The following DYRK1A variants were observed in gnomAD, a reference collection of about 807,000 sequenced individuals.
The protein encoded by DYRK1A is dual specificity tyrosine phosphorylation regulated kinase 1A.
A neutral mutation model predicts 79.7 loss-of-function variants in DYRK1A; 9 were observed. The observed-to-expected ratio is 0.11, with a 90% CI of 0.07 to 0.20. DYRK1A has a LOEUF of 0.20. DYRK1A is among the 10% of genes least tolerant of loss of function. DYRK1A has a pLI of 1.00. For synonymous variants in DYRK1A, 349 were observed against 329.7 expected, an observed-to-expected ratio of 1.06 and a Z score of -0.63; for missense variants, 622 against 956.0, an observed-to-expected ratio of 0.65 and a Z score of 4.61.
rs2053956983 is a variant in DYRK1A, at chr21:37,524,693, G to T, written c.*12162G>T. On this transcript the variant is annotated 3_prime_UTR_variant, in exon 12 of 12. Coordinates refer to ENST00000647188, the MANE Select transcript of DYRK1A (RefSeq NM_001347721.2). The stretch of plus-strand genomic sequence containing the variant: ...GGGGTCACCATATGTTATGCACACT[G>T]CTCCGCTATTGCTCTTTATTTGAGG... 1 of 152,206 alleles carries T rather than the reference G, an allele frequency of 6.6e-6. No homozygotes were observed. Among genetic ancestry groups the T allele is most frequent in the South Asian group, 2.1e-4 (1 of 4,834 alleles). The allele number at this position is 152,206 out of a possible 1,614,324, so 9.4% of individuals were successfully genotyped here.
At chr21:37,498,466 G>A (rs1296390292) in intron 9 of DYRK1A, among the ~76,000 whole-genome samples, 1 of 151,936 alleles carries the variant, frequency 6.6e-6, no homozygotes, top group Non-Finnish European at 1.5e-5. Context: ...TTTAGTTTTG[G>A]GTTTTCTTCA....
intron 2 of DYRK1A, chr21:37,425,812 A>G (rs1307193409): frequency 1.3e-5 from 2 of 152,240 alleles, no homozygotes; most frequent in Non-Finnish European, 1.5e-5. Flanking sequence ...GTTGATAGCA[A>G]GACCTGTGTG....
At chr21:37,469,650 C>T (rs1245164638) in intron 2 of DYRK1A, among the ~76,000 whole-genome samples, 1 of 152,114 alleles carries the variant, frequency 6.6e-6, no homozygotes, top group Non-Finnish European at 1.5e-5. Flanking sequence ...ACATGGCCTG[C>T]AAAGTCAGGC....
intron 2 of DYRK1A, among the ~76,000 whole-genome samples, chr21:37,453,145 ATTAAAC>A (rs2051514445): frequency 6.6e-6 from 1 of 152,212 alleles, no homozygotes. Context: ...CAACAGTAAA[ATTAAAC>A]TTAAATATAT....
In DYRK1A at chr21:37,505,280, C is replaced by A; in HGVS notation, c.1213-3C>A. ...AGAAAGCCTTTCATCTTCTCTCTTA[C>A]AGGAGTACAAACCACCAGGAACCCG... On this transcript the variant is annotated splice_polypyrimidine_tract_variant and splice_region_variant and intron_variant, in intron 9 of 11. Coordinates refer to ENST00000647188, the MANE Select transcript of DYRK1A (RefSeq NM_001347721.2). The A allele has an allele frequency of 6.2e-7, 1 of 1,604,418 alleles. No individual in the cohort carries two copies.
At chr21:37,376,734 G>T (rs115019533) in intron 1 of DYRK1A, among the ~76,000 whole-genome samples, 1 of 151,918 alleles carries the variant, frequency 6.6e-6, no homozygotes, top group African/African-American at 2.4e-5. Context: ...GTTAGGGCCC[G>T]TATTTGAGCA....
intron 2 of DYRK1A, among the ~76,000 whole-genome samples, chr21:37,452,591 A>T (rs2051489908): frequency 6.6e-6 from 1 of 152,096 alleles, no homozygotes; most frequent in Non-Finnish European, 1.5e-5. Flanking sequence ...AGCCACTGCC[A>T]ATCTATTTGA....
rs372296646 is a variant in DYRK1A at position 37,377,427 on chromosome 21, T to A, written c.-77+9799T>A. Among the ~76,000 whole-genome samples the A allele has an allele frequency of 2.6e-5, 4 of 152,176 alleles. No individual in the cohort carries two copies. In the East Asian group the frequency reaches 7.7e-4, roughly 29 times the overall value. ...AGCCACCGTGCCCCGCATTTTTTTT[T>A]ACTTGACCTATGTTAGAAATATTTC... On this transcript the variant is annotated intron_variant, in intron 1 of 11. Transcript: ENST00000647188.
At chr21:37,423,331 C>G (rs1180413448) in intron 2 of DYRK1A, among the ~76,000 whole-genome samples, 7 of 152,128 alleles carry the variant, frequency 4.6e-5, no homozygotes, top group Non-Finnish European at 8.8e-5. Context: ...CCCATTCAGT[C>G]CTCTTAGTAA....
chr21:37,445,999 C>T (rs1168237217), intron 2 of DYRK1A, among the ~76,000 whole-genome samples: 1 of 152,132 alleles, frequency 6.6e-6, no homozygotes, highest in Non-Finnish European at 1.5e-5. Context: ...AAACAACATT[C>T]TTACTGTAAT....
chr21:37,468,205 G>C (rs548421293), intron 2 of DYRK1A, among the ~76,000 whole-genome samples: 1 of 152,008 alleles, frequency 6.6e-6, no homozygotes, highest in African/African-American at 2.4e-5. Flanking sequence ...TTGAAATCTT[G>C]GGCTCAGGCA....
intron 6 of DYRK1A, chr21:37,488,993 C>T: frequency 2.8e-6 from 1 of 361,560 alleles, no homozygotes. Flanking sequence ...CTGTAGACTC[C>T]TATATAGCCA....
chr21:37,519,729 G>T lies in DYRK1A; in HGVS notation c.*7198G>T, dbSNP rs1250741448. 4.5e-5 allele frequency: 5 copies of T among 110,344 alleles called. No homozygotes were observed. Among genetic ancestry groups the T allele is most frequent in the South Asian group, 3.2e-4 (1 of 3,148 alleles). The allele number at this position is 110,344 out of a possible 1,614,324, so 6.8% of individuals were successfully genotyped here. The stretch of plus-strand genomic sequence containing the variant: ...CTATTTAAGAGTTTTGAGGTTTGTT[G>T]TGGGAAGTTTTTTTTTTTTTTTTTT... On this transcript the variant is annotated 3_prime_UTR_variant, in exon 12 of 12. Coordinates refer to ENST00000647188, the MANE Select transcript of DYRK1A (RefSeq NM_001347721.2).
intron 2 of DYRK1A, among the ~76,000 whole-genome samples, chr21:37,471,948 A>G (rs1371259519): frequency 6.6e-6 from 1 of 152,208 alleles, no homozygotes; most frequent in Non-Finnish European, 1.5e-5. Context: ...ATTACCTTTT[A>G]TTAGATACCA....
At chr21:37,391,116 A>G (rs1051376468) in intron 1 of DYRK1A, among the ~76,000 whole-genome samples, 3 of 152,350 alleles carry the variant, frequency 2.0e-5, no homozygotes, top group African/African-American at 4.8e-5. Flanking sequence ...CAAATTTCAG[A>G]ACTCTTCCTA....
In DYRK1A at chr21:37,514,477, A is replaced by G. The variant is rs1184771733; in HGVS notation, c.*1946A>G. On this transcript the variant is annotated 3_prime_UTR_variant, in exon 12 of 12. Coordinates refer to ENST00000647188, the MANE Select transcript of DYRK1A (RefSeq NM_001347721.2). ...CCTGTTTAAGATGACTCAGCAGAAC[A>G]CCGCGTTTCATTCTATTGGTCAATT... The G allele has an allele frequency of 6.6e-6, 1 of 152,610 alleles. No individual in the cohort carries two copies. Among genetic ancestry groups the G allele is most frequent in the Non-Finnish European group, 1.5e-5 (1 of 68,028 alleles). 9.5% of individuals were successfully genotyped at this position (152,610 alleles called of 1,614,324 possible).
chr21:37,413,289 AT>A (rs1253996908), intron 1 of DYRK1A, among the ~76,000 whole-genome samples: 2 of 152,158 alleles, frequency 1.3e-5, no homozygotes, highest in Non-Finnish European at 2.9e-5. Flanking sequence ...TGCAAGGATT[AT>A]TTAAAGGCAA....
At chr21:37,457,037 C>CTTACTTACTTATTTATTTAT (rs1035437095) in intron 2 of DYRK1A, among the ~76,000 whole-genome samples, 16 of 59,248 alleles carry the variant, frequency 2.7e-4, no homozygotes, top group Admixed American at 7.8e-4. Context: ...TACTTACTTA[C>CTTACTTACTTATTTATTTAT]TTATTTATTT....
At chr21:37,496,513 G>C (rs1250626609) in intron 9 of DYRK1A, among the ~76,000 whole-genome samples, 1 of 152,196 alleles carries the variant, frequency 6.6e-6, no homozygotes, top group Non-Finnish European at 1.5e-5. Flanking sequence ...TTTTGAGGCA[G>C]CTGATCACAT....
Sources: allele counts gnomAD v4.1 joint callset (sites outside exome capture counted in the v4.1 genomes callset), GRCh38; gene constraint gnomAD v4.1.1; transcripts MANE v1.5; gene names NCBI Gene and HGNC (gene_info 2026-07-23, HGNC 2026-07-21).